Variants in FBXO15 observed in about 807,000 individuals in gnomAD.
FBXO15 encodes F-box protein 15, also known as F-box only protein 15.
Under a neutral mutation model 49.5 loss-of-function variants are expected in FBXO15, and 30 were observed. The observed-to-expected ratio is 0.61, with a 90% confidence interval of 0.45 to 0.82. The LOEUF is 0.82. Ranked by LOEUF, FBXO15 falls within the 40% of genes least tolerant of loss-of-function variation. The probability of loss-of-function intolerance (pLI) is 0.00; values close to 1 mark genes in which losing one functional copy is unlikely to be tolerated. For missense variants in FBXO15, 591 were observed against 631.5 expected (o/e 0.94, Z 0.69); for synonymous variants, 250 against 232.7 (o/e 1.07, Z -0.68).
chr18:74,100,294 A>C (rs952101768), intron 8 of FBXO15, among the ~76,000 whole-genome samples: 1 of 152,208 alleles, frequency 6.6e-6, no homozygotes, highest in Admixed American at 6.5e-5. Flanking sequence ...CATGGAAATT[A>C]AATAACCTGC....
chr18:74,137,747 A>G (rs1435741010), intron 2 of FBXO15, among the ~76,000 whole-genome samples: 1 of 152,192 alleles, frequency 6.6e-6, no homozygotes, highest in African/African-American at 2.4e-5. Context: ...GAGATAAGGG[A>G]AAGGGGAGGT....
intron 5 of FBXO15, among the ~76,000 whole-genome samples, chr18:74,126,614 T>G (rs1220586306): frequency 3.9e-5 from 6 of 152,150 alleles, no homozygotes; most frequent in Non-Finnish European, 8.8e-5. Context: ...ACATCAGAAA[T>G]AAACTTAAAC....
At chr18:74,085,370 G>C (rs1411531512) in intron 8 of FBXO15, among the ~76,000 whole-genome samples, 4 of 152,182 alleles carry the variant, frequency 2.6e-5, no homozygotes, top group Admixed American at 2.6e-4. Context: ...AAGGTAGGTG[G>C]ATCACCTGAG....
chr18:74,146,778 G>T (rs79241371), intron 1 of FBXO15, among the ~76,000 whole-genome samples: 2 of 150,652 alleles, frequency 1.3e-5, no homozygotes, highest in South Asian at 4.2e-4. Flanking sequence ...TGGAGATTCA[G>T]GGGGAAAAAA....
chr18:74,095,556 G>T (rs1299786269), intron 8 of FBXO15, among the ~76,000 whole-genome samples: 5 of 152,156 alleles, frequency 3.3e-5, no homozygotes, highest in Admixed American at 1.3e-4. Context: ...TATTAGGTTT[G>T]CCATCTTACA....
At chr18:74,116,525 T>G (rs533091938) in intron 8 of FBXO15, among the ~76,000 whole-genome samples, 2 of 152,316 alleles carry the variant, frequency 1.3e-5, no homozygotes, top group South Asian at 4.1e-4. Context: ...CTGGCTCTAT[T>G]AATAAATTAT....
intron 1 of FBXO15, among the ~76,000 whole-genome samples, chr18:74,145,594 CTTTT>C (rs760823560): frequency 2.1e-5 from 2 of 96,366 alleles, no homozygotes; most frequent in African/African-American, 4.9e-5. Flanking sequence ...ACCAACTGCA[CTTTT>C]TTTTTTTTTT....
At chr18:74,145,130 A>G (rs1251702364) in intron 1 of FBXO15, among the ~76,000 whole-genome samples, 1 of 152,194 alleles carries the variant, frequency 6.6e-6, no homozygotes, top group Non-Finnish European at 1.5e-5. Context: ...TAATTCAGTA[A>G]CGAATGGATA....
At chr18:74,095,170 C>A (rs1321730177) in intron 8 of FBXO15, among the ~76,000 whole-genome samples, 1 of 152,230 alleles carries the variant, frequency 6.6e-6, no homozygotes. Flanking sequence ...CATTCAACAA[C>A]TAAAGCTTTC....
intron 8 of FBXO15, among the ~76,000 whole-genome samples, chr18:74,103,976 T>G (rs1327524971): frequency 6.6e-6 from 1 of 152,132 alleles, no homozygotes; most frequent in Non-Finnish European, 1.5e-5. Flanking sequence ...CTCAGAATAT[T>G]CTAACACTGT....
intron 9 of FBXO15, among the ~76,000 whole-genome samples, chr18:74,080,849 G>A (rs1245080152): frequency 6.6e-6 from 1 of 152,106 alleles, no homozygotes; most frequent in Non-Finnish European, 1.5e-5. Context: ...AGAAAACACA[G>A]AACAAATTAT....
At chr18:74,077,449 A>C (rs749350632) in intron 9 of FBXO15, among the ~76,000 whole-genome samples, 35 of 152,140 alleles carry the variant, frequency 2.3e-4, no homozygotes, top group Admixed American at 7.9e-4. Flanking sequence ...ACACAGTGAG[A>C]CCACCCAGGA....
chr18:74,094,544 T>C (rs920202158), intron 8 of FBXO15, among the ~76,000 whole-genome samples: 2 of 152,198 alleles, frequency 1.3e-5, no homozygotes, highest in African/African-American at 2.4e-5. Context: ...TTTTTAGCAA[T>C]GTGAGAACAG....
At chr18:74,089,718 T>G (rs1410896849) in intron 8 of FBXO15, among the ~76,000 whole-genome samples, 1 of 152,178 alleles carries the variant, frequency 6.6e-6, no homozygotes, top group Non-Finnish European at 1.5e-5. Flanking sequence ...ATGAGTCACA[T>G]TTATCGATTT....
In FBXO15 at chr18:74,126,020, A is replaced by G; in HGVS notation, c.867T>C (p.Ile289=). The G allele has an allele frequency of 6.2e-7, 1 of 1,614,110 alleles. No homozygotes were observed. ...GGCCAGGGTGCAGGCAGAAGATCCGAATGAGTCTGTCACAGCCAATCATGG... is the reference window on the plus strand; with the variant it reads ...GGCCAGGGTGCAGGCAGAAGATCCGGATGAGTCTGTCACAGCCAATCATGG... ...ISTMIGCDRL[I]RIFCLHPGLL... is the part of the protein sequence containing the mutation. The change falls in exon 6 of 10, where the codon ATT becomes ATC. Residue 289 remains isoleucine, a synonymous_variant. Transcript: ENST00000419743.
intron 8 of FBXO15, among the ~76,000 whole-genome samples, chr18:74,089,976 G>GC (rs1472398653): frequency 1.3e-5 from 2 of 152,166 alleles, no homozygotes; most frequent in Non-Finnish European, 2.9e-5. Flanking sequence ...TTTTGGAATA[G>GC]TTTCCCTAGG....
intron 5 of FBXO15, 95 bp downstream of exon 5, chr18:74,129,310 A>G: frequency 9.2e-7 from 1 of 1,083,768 alleles, no homozygotes; most frequent in Non-Finnish European, 1.3e-6. Context: ...TAAAATTAAA[A>G]AACGCTGCTC....
intron 1 of FBXO15, among the ~76,000 whole-genome samples, chr18:74,146,721 G>C (rs1468601079): frequency 6.6e-6 from 1 of 152,138 alleles, no homozygotes; most frequent in East Asian, 1.9e-4. Context: ...TCTGAAAACA[G>C]GTAAGTGGAA....
intron 8 of FBXO15, chr18:74,122,960 G>A (rs1914533845): frequency 1.9e-5 from 3 of 155,746 alleles, no homozygotes; most frequent in Admixed American, 1.3e-4. Flanking sequence ...AAACAGTGAT[G>A]CAGTACGTAG....
Sources: allele counts gnomAD v4.1 joint callset (sites outside exome capture counted in the v4.1 genomes callset), GRCh38; gene constraint gnomAD v4.1.1; transcripts MANE v1.5; gene names NCBI Gene and HGNC (gene_info 2026-07-23, HGNC 2026-07-21).